ASXL2: variants seen among roughly 807,000 people sequenced by gnomAD.
The protein encoded by ASXL2 is ASXL transcriptional regulator 2.
Under a neutral mutation model 122.0 loss-of-function variants are expected in ASXL2, and 23 were observed. The ratio of observed to expected loss-of-function variants is 0.19; its 90% CI spans 0.14 to 0.27. The LOEUF (loss-of-function observed/expected upper bound fraction) is 0.27. ASXL2 is among the 10% of genes least tolerant of loss of function. The pLI is 1.00. For missense variants in ASXL2, 1,518 were observed against 1,713.8 expected (o/e 0.89, Z 2.02); for synonymous variants, 650 against 637.0 (o/e 1.02, Z -0.31).
At chr2:25,776,939 C>T (rs1266032647) in intron 5 of ASXL2, among the ~76,000 whole-genome samples, 1 of 152,106 alleles carries the variant, frequency 6.6e-6, no homozygotes, top group East Asian at 1.9e-4. Context: ...AGCCAAACAC[C>T]CTTTTTAACA....
chr2:25,876,478 C>T (rs1279170536), intron 1 of ASXL2, among the ~76,000 whole-genome samples: 2 of 152,076 alleles, frequency 1.3e-5, no homozygotes, highest in African/African-American at 4.8e-5. Context: ...CTAGCCTAGC[C>T]TGGGCAACAT....
At chr2:25,747,815 G>GA (rs944596921) in intron 12 of ASXL2, among the ~76,000 whole-genome samples, 16 of 150,620 alleles carry the variant, frequency 1.1e-4, no homozygotes, top group South Asian at 4.2e-4. Flanking sequence ...GTTAATGGTA[G>GA]AAAAAAAAAT....
intron 6 of ASXL2, 58 bp from the exon 7 acceptor site, chr2:25,768,926 T>TTATTACTAA: frequency 6.5e-7 from 1 of 1,540,490 alleles, no homozygotes; most frequent in Non-Finnish European, 8.8e-7. Flanking sequence ...AGTAATAATA[T>TTATTACTAA]AAATTACTTC....
chr2:25,801,739 A>C (rs866952630), intron 4 of ASXL2, among the ~76,000 whole-genome samples: 1 of 152,162 alleles, frequency 6.6e-6, no homozygotes, highest in Middle Eastern at 3.4e-3. Flanking sequence ...TATTCCTCTA[A>C]TGTCCTTTGT....
chr2:25,851,129 A>C (rs896445811), intron 1 of ASXL2, among the ~76,000 whole-genome samples: 1 of 151,526 alleles, frequency 6.6e-6, no homozygotes, highest in Non-Finnish European at 1.5e-5. Context: ...CTGGGCAACA[A>C]GAGCAAAACT....
At position 25,741,057 on chromosome 2, in the gene ASXL2, G is replaced by A. The variant is rs1045570350; in HGVS notation, c.*972C>T. 5.2e-6 allele frequency: 1 copy of A among 193,960 alleles called. No homozygotes were observed. Among genetic ancestry groups the A allele is most frequent in the Non-Finnish European group, 1.1e-5 (1 of 93,086 alleles). 12.0% of individuals were successfully genotyped at this position (193,960 alleles called of 1,614,324 possible). On this transcript the variant is annotated 3_prime_UTR_variant, in exon 13 of 13. Transcript: ENST00000435504. Reference sequence around the variant, plus strand: ...AAAACTGTTTTCCAAAGTTATTTACGTTCAATTTAACAGTTTCTGTGGTTT... The same window carrying A: ...AAAACTGTTTTCCAAAGTTATTTACATTCAATTTAACAGTTTCTGTGGTTT...
At chr2:25,871,298 G>T (rs191310308) in intron 1 of ASXL2, among the ~76,000 whole-genome samples, 17 of 152,180 alleles carry the variant, frequency 1.1e-4, no homozygotes, top group Admixed American at 1.1e-3. Context: ...TAGAGGGGGG[G>T]AAAAATGTCC....
At position 25,782,669 on chromosome 2, in the gene ASXL2, C is replaced by A. The variant is rs533947964; in HGVS notation, c.404-11129G>T. On this transcript the variant is annotated intron_variant, in intron 5 of 12. Coordinates refer to ENST00000435504, the MANE Select transcript of ASXL2 (RefSeq NM_018263.6). Reference sequence around the variant, plus strand: ...GCCACTAGTGTTCCCCCTTAAGACACTGGTTTCTCAACTCAGTTATAACGT... The same window carrying A: ...GCCACTAGTGTTCCCCCTTAAGACAATGGTTTCTCAACTCAGTTATAACGT... Among the ~76,000 whole-genome samples, 10 of 152,334 alleles carry A rather than the reference C, an allele frequency of 6.6e-5. No homozygotes were observed. In the South Asian group the frequency reaches 1.2e-3, roughly 19 times the overall value.
Position 25,759,596 on chromosome 2 carries a change from G to T in ASXL2, c.825C>A (p.Asp275Glu). Residue 275 changes from aspartate to glutamate, a missense_variant, in exon 9 of 13, where the codon GAC becomes GAA. Asp to Glu is a conservative substitution (Grantham distance 45). Coordinates refer to ENST00000435504, the MANE Select transcript of ASXL2 (RefSeq NM_018263.6). ...GCAGATTTGTATTAACCAGAATGGAGTCCGGTGTCTCAACGTCAATGTCAG... is the reference window on the plus strand; with the variant it reads ...GCAGATTTGTATTAACCAGAATGGATTCCGGTGTCTCAACGTCAATGTCAG... ...KCADIDVETPDSILVNTNLRA... is the reference protein window; with the variant it reads ...KCADIDVETPESILVNTNLRA... The T allele has an allele frequency of 6.2e-7, 1 of 1,613,778 alleles. No individual in the cohort carries two copies. Among genetic ancestry groups the T allele is most frequent in the Non-Finnish European group, 8.5e-7 (1 of 1,179,742 alleles).
rs370316025 is a variant in ASXL2 at position 25,786,243 on chromosome 2, CTTT to C, written c.403+13139_403+13141del. Among the ~76,000 whole-genome samples the C allele has an allele frequency of 7.7e-4, 87 of 112,386 alleles. 1 individual carries two copies. The highest frequency in any genetic ancestry group is 0.01 in the Middle Eastern group (2 of 200). 73.7% of individuals were successfully genotyped at this position (112,386 alleles called of 152,430 possible). A position where few individuals can be genotyped will look rare whatever the true frequency, so the allele number is the denominator to read the frequency against. Reference sequence around the variant, plus strand: ...AAACAACCTACTACTCCACATCATTCTTTTTTTTTTTTTTTTGAGATGGAGTCT... The same window carrying C: ...AAACAACCTACTACTCCACATCATTCTTTTTTTTTTTTTGAGATGGAGTCT... On this transcript the variant is annotated intron_variant, in intron 5 of 12. Coordinates refer to ENST00000435504, the MANE Select transcript of ASXL2 (RefSeq NM_018263.6).
At chr2:25,825,025 T>G (rs1433596906) in intron 3 of ASXL2, among the ~76,000 whole-genome samples, 1 of 152,196 alleles carries the variant, frequency 6.6e-6, no homozygotes, top group Non-Finnish European at 1.5e-5. Flanking sequence ...ACTCTAAAAC[T>G]TACTTGTTTT....
intron 1 of ASXL2, among the ~76,000 whole-genome samples, chr2:25,868,567 A>G (rs1277067316): frequency 6.6e-6 from 1 of 152,238 alleles, no homozygotes; most frequent in Non-Finnish European, 1.5e-5. Flanking sequence ...AAGAATTATC[A>G]CAGATATTTC....
At chr2:25,823,161 T>C (rs1288244709) in intron 3 of ASXL2, among the ~76,000 whole-genome samples, 2 of 152,200 alleles carry the variant, frequency 1.3e-5, no homozygotes, top group Non-Finnish European at 2.9e-5. Context: ...GCTAAGGCAA[T>C]AACCTTATGC....
intron 4 of ASXL2, among the ~76,000 whole-genome samples, chr2:25,802,818 G>A (rs1351631301): frequency 1.3e-5 from 2 of 152,170 alleles, no homozygotes; most frequent in African/African-American, 4.8e-5. Context: ...AATGGATTGG[G>A]TTCTGAGAGC....
intron 1 of ASXL2, among the ~76,000 whole-genome samples, chr2:25,862,076 G>T (rs927024451): frequency 2.6e-5 from 4 of 152,092 alleles, no homozygotes; most frequent in African/African-American, 9.7e-5. Flanking sequence ...TGAAACGGAG[G>T]AAACTTATGT....
intron 5 of ASXL2, among the ~76,000 whole-genome samples, chr2:25,786,428 A>G (rs2088748009): frequency 6.6e-6 from 1 of 151,826 alleles, no homozygotes; most frequent in Non-Finnish European, 1.5e-5. Flanking sequence ...TTTAGTAGAG[A>G]TGTGGTTTCA....
chr2:25,773,655 G>C (rs1169600033), intron 5 of ASXL2, among the ~76,000 whole-genome samples: 1 of 124,726 alleles, frequency 8.0e-6, no homozygotes, highest in Non-Finnish European at 1.8e-5. Flanking sequence ...GACAGAGAGA[G>C]ACTCCATCTC....
chr2:25,873,340 G>T (rs184711288), intron 1 of ASXL2, among the ~76,000 whole-genome samples: 26 of 152,252 alleles, frequency 1.7e-4, no homozygotes, highest in Non-Finnish European at 1.8e-4. Flanking sequence ...GAACCCAGGA[G>T]GCAGAGGTTG....
At chr2:25,837,434 T>G (rs952969844) in intron 2 of ASXL2, among the ~76,000 whole-genome samples, 1 of 152,230 alleles carries the variant, frequency 6.6e-6, no homozygotes, top group African/African-American at 2.4e-5. Flanking sequence ...GACATATTCA[T>G]GTGATAAAAT....
Sources: gnomAD v4.1 joint callset for allele counts (sites outside exome capture counted in the v4.1 genomes callset) on GRCh38, gnomAD v4.1.1 for gene constraint, MANE v1.5 for transcripts, NCBI Gene and HGNC (gene_info 2026-07-23, HGNC 2026-07-21) for gene names.